Variants in DAB1 observed in about 807,000 individuals in gnomAD.
DAB1 encodes the protein DAB adaptor protein 1, also known as disabled homolog 1.
A neutral mutation model predicts 64.6 loss-of-function variants in DAB1; 15 were observed. The ratio of observed to expected loss-of-function variants is 0.23; its 90% CI spans 0.16 to 0.36. The LOEUF (loss-of-function observed/expected upper bound fraction) is 0.36, where lower values mean the gene tolerates loss of function less well. Ranked by LOEUF, DAB1 falls within the 10% of genes least tolerant of loss-of-function variation. The pLI is 1.00. For missense variants in DAB1, 596 were observed against 706.7 expected (o/e 0.84, Z 1.78); for synonymous variants, 235 against 251.9 (o/e 0.93, Z 0.64).
intron 4 of DAB1, among the ~76,000 whole-genome samples, chr1:58,173,022 T>A (rs974264379): frequency 6.6e-6 from 1 of 152,116 alleles, no homozygotes; most frequent in African/African-American, 2.4e-5. Context: ...TGCCAAGCCA[T>A]CAGAAAGGTG....
intron 5 of DAB1, among the ~76,000 whole-genome samples, 160 bp from the exon 6 acceptor site, chr1:57,071,801 T>G (rs2100596672): frequency 6.6e-6 from 1 of 152,336 alleles, no homozygotes; most frequent in Middle Eastern, 3.4e-3. Context: ...TTTAGCAAAT[T>G]GCATCTAGGC....
chr1:57,264,565 G>C (rs1023695670), intron 2 of DAB1, among the ~76,000 whole-genome samples: 3 of 152,212 alleles, frequency 2.0e-5, no homozygotes, highest in East Asian at 1.9e-4. Context: ...ATTATAGAAT[G>C]ATGAGCCTCA....
At chr1:58,162,806 G>T (rs982245275) in intron 4 of DAB1, among the ~76,000 whole-genome samples, 1 of 152,166 alleles carries the variant, frequency 6.6e-6, no homozygotes, top group Non-Finnish European at 1.5e-5. Flanking sequence ...GGATTCAGCT[G>T]CTGCCAAGGG....
At chr1:58,028,704 C>G (rs1259166326) in intron 5 of DAB1, among the ~76,000 whole-genome samples, 2 of 152,150 alleles carry the variant, frequency 1.3e-5, no homozygotes, top group African/African-American at 4.8e-5. Flanking sequence ...CATAAAAGCA[C>G]TATGAGTACT....
At chr1:58,347,806 CTAA>C (rs1253402202) in intron 3 of DAB1, among the ~76,000 whole-genome samples, 8 of 82,146 alleles carry the variant, frequency 9.7e-5, no homozygotes, top group Non-Finnish European at 2.7e-4. Context: ...GAAAGAGAAG[CTAA>C]CTATTTCTCA....
intron 7 of DAB1, among the ~76,000 whole-genome samples, chr1:57,647,821 A>G (rs888984232): frequency 1.2e-4 from 19 of 152,192 alleles, no homozygotes; most frequent in African/African-American, 4.6e-4. Flanking sequence ...GGTGACTTGG[A>G]TAGGGCCTCA....
chr1:58,089,343 T>C (rs897134826), intron 5 of DAB1, among the ~76,000 whole-genome samples: 1 of 152,270 alleles, frequency 6.6e-6, no homozygotes, highest in African/African-American at 2.4e-5. Flanking sequence ...CCTAGAACTG[T>C]ATCTGCTATG....
chr1:57,960,740 C>T (rs1570086828), intron 5 of DAB1, among the ~76,000 whole-genome samples: 1 of 152,232 alleles, frequency 6.6e-6, no homozygotes, highest in East Asian at 1.9e-4. Flanking sequence ...CAAGCTCTGC[C>T]TCTCAGTATG....
At chr1:58,246,337 A>T (rs1660526767) in intron 4 of DAB1, among the ~76,000 whole-genome samples, 1 of 152,148 alleles carries the variant, frequency 6.6e-6, no homozygotes. Flanking sequence ...GAACACGTGG[A>T]GATTTGTAAC....
chr1:57,475,829 A>T (rs774194867), intron 7 of DAB1, among the ~76,000 whole-genome samples: 1 of 152,208 alleles, frequency 6.6e-6, no homozygotes, highest in Non-Finnish European at 1.5e-5. Context: ...TGTTATCTTC[A>T]TATTCTGAGA....
chr1:58,261,581 G>A (rs908723134), intron 4 of DAB1, among the ~76,000 whole-genome samples: 4 of 152,062 alleles, frequency 2.6e-5, no homozygotes, highest in Admixed American at 6.5e-5. Flanking sequence ...TAATTCCCCC[G>A]AGAAGGGGTG....
intron 4 of DAB1, among the ~76,000 whole-genome samples, chr1:58,178,980 A>T (rs564651027): frequency 1.1e-4 from 16 of 152,186 alleles, no homozygotes; most frequent in Non-Finnish European, 2.2e-4. Context: ...TTCCTTAGAT[A>T]TGGTTTATCA....
rs148550686 is a variant in DAB1 at position 57,871,768 on chromosome 1, T to C, written n.87+12231A>G. On this transcript the variant is annotated intron_variant and non_coding_transcript_variant, in intron 1 of 1. Coordinates refer to the DAB1 transcript ENST00000477280. ...AGAATTTTATAGAATCCTTCTGTGG[T>C]TTCCTTTTCCATATTTAGGAACTGA... is the stretch of plus-strand genomic sequence containing the variant. Among the ~76,000 whole-genome samples, 789 of 152,294 alleles carry C rather than the reference T, an allele frequency of 5.2e-3. 4 individuals carry two copies. Among genetic ancestry groups the C allele is most frequent in the Middle Eastern group, 0.014 (4 of 294 alleles).
chr1:58,254,537 TC>T (rs1202442204), intron 4 of DAB1, among the ~76,000 whole-genome samples: 3 of 89,988 alleles, frequency 3.3e-5, no homozygotes, highest in African/African-American at 9.3e-5. Context: ...ATGCTATCCC[TC>T]CCCCCTCCCC....
rs377060086 is a variant in DAB1, at chr1:58,489,565, G to A, written n.257+16495C>T. On this transcript the variant is annotated intron_variant and non_coding_transcript_variant, in intron 3 of 20. Transcript: ENST00000485760. ...AGCAGAAACCTCTGCAGACTTAAATGTCCCTGTCTGACAGCTTAGAAGAGA... is the reference window on the plus strand; with the variant it reads ...AGCAGAAACCTCTGCAGACTTAAATATCCCTGTCTGACAGCTTAGAAGAGA... 2.0e-3 allele frequency among the ~76,000 whole-genome samples: 301 copies of A among 152,300 alleles called. 2 individuals are homozygous for A. In the Middle Eastern group the frequency reaches 0.027, roughly 14 times the overall value.
At chr1:57,367,325 G>C (rs1370358376) in intron 1 of DAB1, among the ~76,000 whole-genome samples, 6 of 151,890 alleles carry the variant, frequency 4.0e-5, no homozygotes, top group Non-Finnish European at 7.4e-5. Flanking sequence ...AAAAGTAAGA[G>C]TTCGGAAGTC....
chr1:57,063,839 A>G (rs1650650120), intron 8 of DAB1, among the ~76,000 whole-genome samples: 1 of 152,242 alleles, frequency 6.6e-6, no homozygotes, highest in Non-Finnish European at 1.5e-5. Context: ...AAATGAGTCA[A>G]CCAAGGGTTT....
At chr1:57,109,985 G>A (rs1407374169) in intron 4 of DAB1, among the ~76,000 whole-genome samples, 1 of 152,130 alleles carries the variant, frequency 6.6e-6, no homozygotes, top group Non-Finnish European at 1.5e-5. Context: ...AGGCCACGGG[G>A]ACAGGACAAG....
Position 57,025,981 on chromosome 1 carries a change from G to T in DAB1, c.786C>A (p.Pro262=). 2 of 1,577,086 alleles carry T rather than the reference G, an allele frequency of 1.3e-6. No homozygotes were observed. Among genetic ancestry groups the T allele is most frequent in the Non-Finnish European group, 1.7e-6 (2 of 1,164,472 alleles). The change falls in exon 10 of 15, where the codon CCC becomes CCA. Residue 262 remains proline, a splice_region_variant and synonymous_variant. Coordinates refer to ENST00000371236, the MANE Select transcript of DAB1 (RefSeq NM_001365792.1). ...MSTPPDITSP[P]TPATPGDAFI... ...GGTTCAGAGAGCAATGCATACTTACGGGGGGAGAGGTTATATCAGGGGGTG... is the reference window on the plus strand; with the variant it reads ...GGTTCAGAGAGCAATGCATACTTACTGGGGGAGAGGTTATATCAGGGGGTG...
Sources: gnomAD v4.1 joint callset for allele counts (sites outside exome capture counted in the v4.1 genomes callset) on GRCh38, gnomAD v4.1.1 for gene constraint, MANE v1.5 for transcripts, NCBI Gene and HGNC (gene_info 2026-07-23, HGNC 2026-07-21) for gene names.